DYNC1I1: variants seen among roughly 807,000 people sequenced by gnomAD.
DYNC1I1 encodes the protein cytoplasmic dynein 1 intermediate chain 1.
In DYNC1I1, 43 loss-of-function variants were observed where a neutral mutation model predicts 86.6. The ratio of observed to expected loss-of-function variants is 0.50; its 90% CI spans 0.39 to 0.64. The LOEUF is 0.64. Among genes scored for constraint, DYNC1I1 ranks in the 30% least tolerant of loss-of-function variants. The pLI is 0.00. For missense variants in DYNC1I1, 604 were observed against 788.8 expected, an observed-to-expected ratio of 0.77 and a Z score of 2.81; for synonymous variants, 262 against 283.7, an observed-to-expected ratio of 0.92 and a Z score of 0.77.
intron 14 of DYNC1I1, among the ~76,000 whole-genome samples, chr7:96,057,812 T>C (rs1388536654): frequency 6.6e-6 from 1 of 152,204 alleles, no homozygotes; most frequent in Non-Finnish European, 1.5e-5. Context: ...CAATTACATA[T>C]CAATTAAATT....
At chr7:95,932,583 C>T (rs1246920036) in intron 6 of DYNC1I1, among the ~76,000 whole-genome samples, 1 of 152,190 alleles carries the variant, frequency 6.6e-6, no homozygotes, top group African/African-American at 2.4e-5. Context: ...CAAGATCACA[C>T]TGCATATATT....
At chr7:95,822,144 C>T (rs973216781) in intron 4 of DYNC1I1, among the ~76,000 whole-genome samples, 1 of 152,204 alleles carries the variant, frequency 6.6e-6, no homozygotes, top group African/African-American at 2.4e-5. Flanking sequence ...TCCTAAGTTA[C>T]ACTTTCAACA....
intron 15 of DYNC1I1, 124 bp from the exon 16 acceptor site, chr7:96,080,239 A>AT: frequency 4.9e-6 from 6 of 1,229,032 alleles, no homozygotes; most frequent in Non-Finnish European, 6.5e-6. Context: ...GGCACAAGGG[A>AT]TGTGTATTAC....
At chr7:95,997,501 A>G (rs1275894627) in intron 10 of DYNC1I1, among the ~76,000 whole-genome samples, 1 of 152,038 alleles carries the variant, frequency 6.6e-6, no homozygotes, top group Admixed American at 6.6e-5. Flanking sequence ...TTAACTGACT[A>G]CAGGTTTCTG....
intron 6 of DYNC1I1, among the ~76,000 whole-genome samples, chr7:95,904,664 C>G (rs901280125): frequency 2.0e-5 from 3 of 152,112 alleles, no homozygotes; most frequent in Admixed American, 6.5e-5. Context: ...TGCACACATA[C>G]ACACAAAGAT....
intron 16 of DYNC1I1, among the ~76,000 whole-genome samples, chr7:96,093,309 G>A (rs1221267967): frequency 6.6e-6 from 1 of 152,054 alleles, no homozygotes; most frequent in Non-Finnish European, 1.5e-5. Flanking sequence ...TTTTACAATT[G>A]AGGCAGTGAG....
chr7:95,869,434 G>A (rs978032361), intron 5 of DYNC1I1, among the ~76,000 whole-genome samples: 1 of 151,446 alleles, frequency 6.6e-6, no homozygotes, highest in East Asian at 1.9e-4. Context: ...TCCCCTCACT[G>A]CTATGATAGA....
At chr7:96,052,433 T>C (rs927319788) in intron 14 of DYNC1I1, among the ~76,000 whole-genome samples, 2 of 152,144 alleles carry the variant, frequency 1.3e-5, no homozygotes, top group Middle Eastern at 3.2e-3. Flanking sequence ...TAGTACTCTC[T>C]AGCTGTGTGA....
chr7:95,946,777 G>A (rs1792413962), intron 6 of DYNC1I1, among the ~76,000 whole-genome samples: 1 of 152,184 alleles, frequency 6.6e-6, no homozygotes, highest in South Asian at 2.1e-4. Context: ...TCCCTGCCCT[G>A]ATAGAGCTTA....
intron 6 of DYNC1I1, among the ~76,000 whole-genome samples, chr7:95,946,150 CAG>C (rs1486220441): frequency 2.0e-5 from 3 of 151,684 alleles, no homozygotes; most frequent in African/African-American, 7.3e-5. Flanking sequence ...TGGGGCCTGT[CAG>C]GGGGGCAGGG....
At chr7:96,070,904 T>G (rs1213095833) in intron 14 of DYNC1I1, among the ~76,000 whole-genome samples, 2 of 152,220 alleles carry the variant, frequency 1.3e-5, no homozygotes, top group Non-Finnish European at 2.9e-5. Context: ...GAAATCATTT[T>G]GTTTACTTGA....
At chr7:95,813,388 A>C in intron 4 of DYNC1I1, 51 bp downstream of exon 4, 2 of 1,567,442 alleles carry the variant, frequency 1.3e-6, no homozygotes, top group East Asian at 2.2e-5. Flanking sequence ...TAAAAAAAAA[A>C]AAAAACAGCA....
chr7:95,843,379 C>A (rs1224424599), intron 5 of DYNC1I1, among the ~76,000 whole-genome samples: 1 of 152,156 alleles, frequency 6.6e-6, no homozygotes, highest in Admixed American at 6.5e-5. Context: ...AGAGAGTCTG[C>A]TGGATTTCAC....
At chr7:95,884,735 A>G (rs895913479) in intron 6 of DYNC1I1, among the ~76,000 whole-genome samples, 14 of 151,534 alleles carry the variant, frequency 9.2e-5, no homozygotes, top group African/African-American at 3.4e-4. Context: ...GGAGTTCAAG[A>G]CCTGCCTGGG....
chr7:95,960,907 A>G (rs1792850585), intron 6 of DYNC1I1, among the ~76,000 whole-genome samples: 2 of 152,230 alleles, frequency 1.3e-5, no homozygotes, highest in African/African-American at 4.8e-5. Context: ...TTCAAGTTTT[A>G]ATGGTGCATA....
At chr7:96,066,192 T>C (rs1418419071) in intron 14 of DYNC1I1, among the ~76,000 whole-genome samples, 1 of 152,214 alleles carries the variant, frequency 6.6e-6, no homozygotes, top group African/African-American at 2.4e-5. Context: ...CCATACTGAC[T>C]TAACCAGGTT....
intron 16 of DYNC1I1, among the ~76,000 whole-genome samples, chr7:96,090,150 G>T (rs560610117): frequency 2.2e-4 from 33 of 152,236 alleles, no homozygotes; most frequent in African/African-American, 7.9e-4. Context: ...GATTTCTGAG[G>T]AAAGAAGGAT....
intron 5 of DYNC1I1, among the ~76,000 whole-genome samples, chr7:95,855,234 T>A (rs567499431): frequency 1.3e-5 from 2 of 152,242 alleles, no homozygotes; most frequent in African/African-American, 4.8e-5. Flanking sequence ...CTTTGCAGAT[T>A]TTTTTTCCCT....
rs186768954 is a variant in DYNC1I1 at position 96,095,404 on chromosome 7, G to T, written c.1777-2079G>T. Among the ~76,000 whole-genome samples, 847 of 152,076 alleles carry T rather than the reference G, an allele frequency of 5.6e-3. 2 individuals are homozygous for T. The highest frequency in any genetic ancestry group is 9.0e-3 in the Non-Finnish European group (615 of 67,976). ...TACACATGGCTATCAATAACATATT[G>T]CATAGGTCATCATGTATTAACTTAA... is the stretch of plus-strand genomic sequence containing the variant. On this transcript the variant is annotated intron_variant, in intron 16 of 16. Coordinates refer to ENST00000447467, the MANE Select transcript of DYNC1I1 (RefSeq NM_001135556.2).
Sources: gnomAD v4.1 joint callset for allele counts (sites outside exome capture counted in the v4.1 genomes callset) on GRCh38, gnomAD v4.1.1 for gene constraint, MANE v1.5 for transcripts, NCBI Gene and HGNC (gene_info 2026-07-23, HGNC 2026-07-21) for gene names.